The following PPP1R16B variants were observed in gnomAD, a reference collection of about 807,000 sequenced individuals.
PPP1R16B encodes the protein protein phosphatase 1 regulatory inhibitor subunit 16B.
A neutral mutation model predicts 61.7 loss-of-function variants in PPP1R16B; 14 were observed. That is an observed-to-expected ratio of 0.23 (90% CI 0.15 to 0.35). The LOEUF (loss-of-function observed/expected upper bound fraction) is 0.35, where lower values mean the gene tolerates loss of function less well. Among genes scored for constraint, PPP1R16B ranks in the 10% least tolerant of loss-of-function variants. The probability of loss-of-function intolerance (pLI) is 1.00; values close to 1 mark genes in which losing one functional copy is unlikely to be tolerated. For missense variants in PPP1R16B, 547 were observed against 752.5 expected (o/e 0.73, Z 3.19); for synonymous variants, 266 against 305.3 (o/e 0.87, Z 1.34).
At position 38,907,311 on chromosome 20, in the gene PPP1R16B, GTGGA is replaced by G. The variant is rs11470382; in HGVS notation, c.898+291_898+294del. 0.19 allele frequency among the ~76,000 whole-genome samples: 28,933 copies of G among 150,510 alleles called. 3,206 individuals are homozygous for G. The highest frequency in any genetic ancestry group is 0.31 in the African/African-American group (12,649 of 40,778). On this transcript the variant is annotated intron_variant, in intron 8 of 10. Transcript: ENST00000299824. The surrounding 1 kb of genome is among the most constrained non-coding windows in gnomAD (Gnocchi z 4.5). ...TCTGGTTGAATGGATGGGTGGGTGG[GTGGA>G]TGGATGGATGGATGGATGGATGGAT...
intron 1 of PPP1R16B, among the ~76,000 whole-genome samples, chr20:38,834,947 C>A (rs1443020471): frequency 1.3e-5 from 2 of 152,134 alleles, no homozygotes; most frequent in Non-Finnish European, 2.9e-5. Flanking sequence ...CAGCTGGATT[C>A]TTGTATCTAC....
intron 2 of PPP1R16B, among the ~76,000 whole-genome samples, chr20:38,875,339 T>C (rs1178296267): frequency 6.6e-6 from 1 of 152,190 alleles, no homozygotes; most frequent in Non-Finnish European, 1.5e-5. Context: ...ATTTTTCCAT[T>C]TCCTGCAGCA....
chr20:38,871,861 T>C (rs1314767211), intron 2 of PPP1R16B, among the ~76,000 whole-genome samples: 5 of 152,218 alleles, frequency 3.3e-5, no homozygotes, highest in Non-Finnish European at 7.3e-5. Context: ...GTAAGCCACA[T>C]ATGTAATTTT....
chr20:38,820,029 T>C (rs2084762855), intron 1 of PPP1R16B, among the ~76,000 whole-genome samples: 1 of 152,328 alleles, frequency 6.6e-6, no homozygotes, highest in Non-Finnish European at 1.5e-5. Flanking sequence ...TGCAATCATA[T>C]AGTATGCATT....
At chr20:38,884,870 G>C (rs1396143044) in intron 2 of PPP1R16B, among the ~76,000 whole-genome samples, 1 of 151,884 alleles carries the variant, frequency 6.6e-6, no homozygotes, top group Non-Finnish European at 1.5e-5. Context: ...AGGAGATTAA[G>C]ACCATCCTGG....
intron 2 of PPP1R16B, among the ~76,000 whole-genome samples, chr20:38,851,777 T>C (rs1461700012): frequency 2.6e-5 from 4 of 152,164 alleles, no homozygotes; most frequent in Non-Finnish European, 5.9e-5. Context: ...TCCCAGCACT[T>C]TGGGAGGCCA....
At chr20:38,876,696 C>T (rs904677683) in intron 2 of PPP1R16B, among the ~76,000 whole-genome samples, 1 of 152,220 alleles carries the variant, frequency 6.6e-6, no homozygotes, top group African/African-American at 2.4e-5. Flanking sequence ...GGAATCCCAG[C>T]TTTAGCACTT....
chr20:38,896,152 TTCC>T (rs140624689), intron 4 of PPP1R16B, among the ~76,000 whole-genome samples: 12,320 of 111,906 alleles, frequency 0.11, 1,104 homozygotes, highest in East Asian at 0.24. Context: ...TCCTTCTTTC[TTCC>T]TCCCTCCCTT....
In PPP1R16B at chr20:38,888,027, G is replaced by T. The variant is rs143835038; in HGVS notation, c.251-1568G>T. 1.5e-3 allele frequency among the ~76,000 whole-genome samples: 234 copies of T among 152,298 alleles called. 2 individuals are homozygous for T. In the East Asian group the frequency reaches 0.031, roughly 20 times the overall value. On this transcript the variant is annotated intron_variant, in intron 2 of 10. Transcript: ENST00000299824. ...TGGCACCCCCTGGAGTTGCTGACTG[G>T]GTTTTTTTGTCCTGCAGAAGGGATA...
At chr20:38,898,483 T>C (rs1359326460) in intron 4 of PPP1R16B, among the ~76,000 whole-genome samples, 2 of 152,176 alleles carry the variant, frequency 1.3e-5, no homozygotes, top group African/African-American at 4.8e-5. Flanking sequence ...TGAGATTCCC[T>C]ATGAATTTTA....
At chr20:38,872,450 G>A (rs1484082092) in intron 2 of PPP1R16B, among the ~76,000 whole-genome samples, 2 of 152,224 alleles carry the variant, frequency 1.3e-5, no homozygotes, top group Non-Finnish European at 2.9e-5. Context: ...GCAGGAGGCA[G>A]AGAAGACTGG....
intron 2 of PPP1R16B, among the ~76,000 whole-genome samples, chr20:38,878,127 T>C (rs1423195540): frequency 1.3e-5 from 2 of 152,208 alleles, no homozygotes; most frequent in Non-Finnish European, 2.9e-5. Context: ...TAATGAATAC[T>C]GTGTTGATTT....
chr20:38,896,087 TCTGCCTTTCTTCTGTCTCCC>T (rs1330861973), intron 4 of PPP1R16B, among the ~76,000 whole-genome samples: 2 of 122,170 alleles, frequency 1.6e-5, no homozygotes, highest in African/African-American at 7.9e-5. Flanking sequence ...TTCCTCCCTT[TCTGCCTTTCTTCTGTCTCCC>T]CTCCCTTCCT....
chr20:38,845,234 T>C (rs1480396568), intron 2 of PPP1R16B, among the ~76,000 whole-genome samples: 1 of 102,300 alleles, frequency 9.8e-6, no homozygotes, highest in Non-Finnish European at 2.2e-5. Flanking sequence ...CCCAGCTGTC[T>C]TCAGCCCTTC....
intron 1 of PPP1R16B, among the ~76,000 whole-genome samples, chr20:38,817,624 G>C (rs892163288): frequency 2.6e-5 from 4 of 151,492 alleles, no homozygotes; most frequent in African/African-American, 9.7e-5. Context: ...CAAGGCAAGT[G>C]CTGAGCACGG....
intron 2 of PPP1R16B, among the ~76,000 whole-genome samples, chr20:38,842,830 TA>T (rs11337581): frequency 0.65 from 96,223 of 147,744 alleles, 31,288 homozygotes; most frequent in African/African-American, 0.76. Context: ...TTCTAATTAT[TA>T]AAAAAAAAAA....
At chr20:38,868,155 C>T (rs908930506) in intron 2 of PPP1R16B, among the ~76,000 whole-genome samples, 1 of 152,166 alleles carries the variant, frequency 6.6e-6, no homozygotes, top group African/African-American at 2.4e-5. Flanking sequence ...CTGTGAGCTC[C>T]ACAGAGCAAA....
chr20:38,836,290 C>T, intron 2 of PPP1R16B, 115 bp downstream of exon 2: 2 of 1,399,654 alleles, frequency 1.4e-6, no homozygotes, highest in Non-Finnish European at 1.9e-6. Flanking sequence ...GACCCACTTC[C>T]AAGTTCCAGC....
At chr20:38,814,458 C>A (rs2084722472) in intron 1 of PPP1R16B, among the ~76,000 whole-genome samples, 1 of 152,098 alleles carries the variant, frequency 6.6e-6, no homozygotes, top group Non-Finnish European at 1.5e-5. Flanking sequence ...ATTTGCTGAG[C>A]CACAATTTCC....
Sources: allele counts gnomAD v4.1 joint callset (sites outside exome capture counted in the v4.1 genomes callset), GRCh38; gene constraint gnomAD v4.1.1; non-coding constraint Gnocchi (gnomAD v3.1); transcripts MANE v1.5; gene names NCBI Gene and HGNC (gene_info 2026-07-23, HGNC 2026-07-21).